The following SLC26A1 variants were observed in gnomAD, a reference collection of about 807,000 sequenced individuals.
SLC26A1 encodes sulfate anion transporter 1.
Under a neutral mutation model 14.5 loss-of-function variants are expected in SLC26A1, and 18 were observed. The observed-to-expected ratio is 1.24, with a 90% CI of 0.86 to 1.84. The LOEUF (loss-of-function observed/expected upper bound fraction) is 1.84. Among genes scored for constraint, SLC26A1 ranks in the 40% most tolerant of loss-of-function variants. The pLI is 0.00. For missense variants in SLC26A1, 1,049 were observed against 1,020.0 expected (o/e 1.03, Z -0.39); for synonymous variants, 505 against 492.0 (o/e 1.03, Z -0.35).
At position 989,776 on chromosome 4, in the gene SLC26A1, G is replaced by A; in HGVS notation, c.1163C>T (p.Ala388Val). ...GCTGGTGGCGAAGCAGTGGAGGAAG[G>A]CGGGTAGCACGTTGCAGCAGCCCAC... ...LAVGCCNVLP[A>V]FLHCFATSAA... Residue 388 changes from alanine (A) to valine (V), a missense_variant, in exon 3 of 3, where the codon GCC becomes GTC. Physicochemically the swap from Ala to Val is moderately conservative, Grantham distance 64. Transcript: ENST00000398516. 1 of 1,565,942 alleles carries A rather than the reference G, an allele frequency of 6.4e-7. No homozygotes were observed. The highest frequency in any genetic ancestry group is 8.6e-7 in the Non-Finnish European group (1 of 1,156,078).
downstream of SLC26A1, chr4:987,181 C>G: frequency 6.8e-7 from 1 of 1,470,738 alleles, no homozygotes. Context: ...GCACCTGGTG[C>G]ATGTGGACGC....
chr4:990,279 G>C lies in SLC26A1; in HGVS notation c.660C>G (p.Ser220=). Residue 220 remains serine (S), a synonymous_variant, in exon 3 of 3, where the codon TCC becomes TCG. Transcript: ENST00000398516. ...TGAGCTGCGAGGTCAGGATGGTCAC[G>C]GAGGCCCCCATGGCAAAGCCATCGA... ...PLLDGFAMGA[S]VTILTSQLKH... The C allele has an allele frequency of 6.2e-7, 1 of 1,600,486 alleles. No individual in the cohort carries two copies. The highest frequency in any genetic ancestry group is 8.5e-7 in the Non-Finnish European group (1 of 1,175,244).
At chr4:990,915 C>T (rs1381389968) in intron 2 of SLC26A1, 3 of 550,500 alleles carry the variant, frequency 5.4e-6, no homozygotes, top group Non-Finnish European at 6.3e-6. Flanking sequence ...ACTGGCTCCC[C>T]GTGCCCCTCC....
chr4:984,235 T>G (rs1713632292), downstream of SLC26A1, among the ~76,000 whole-genome samples: 3 of 152,260 alleles, frequency 2.0e-5, no homozygotes, highest in African/African-American at 7.2e-5. Context: ...AAATTTTTAC[T>G]AAGTTTCATG....
At position 991,320 on chromosome 4, in the gene SLC26A1, C is replaced by T. The variant is rs1449926449; in HGVS notation, c.384G>A (p.Leu128=). The T allele has an allele frequency of 6.2e-7, 1 of 1,612,726 alleles. No homozygotes were observed. Among genetic ancestry groups the T allele is most frequent in the Non-Finnish European group, 8.5e-7 (1 of 1,179,946 alleles). ...CCACCTGCCCCACCATGAGGCAAAG[C>T]AGGCTGAAGATGCCCACGGAGACAT... ...SRHVSVGIFS[L]LCLMVGQVVD... is the part of the protein sequence containing the mutation. Residue 128 remains leucine (L), a synonymous_variant, in exon 2 of 3, where the codon CTG becomes CTA. Transcript: ENST00000398516.
chr4:985,513 C>G (rs1224810382), downstream of SLC26A1, among the ~76,000 whole-genome samples: 1 of 152,202 alleles, frequency 6.6e-6, no homozygotes, highest in African/African-American at 2.4e-5. Context: ...TTTCTCAGTT[C>G]TCTGACGCTT....
chr4:979,196 C>T (rs1713462714), exon 3 of SLC26A1: 2 of 527,922 alleles, frequency 3.8e-6, no homozygotes, highest in East Asian at 6.2e-5. Flanking sequence ...CTGGTTACAT[C>T]ATCCACATGG....
rs1446202225 is a variant in SLC26A1, at chr4:991,354, G to A, written c.350C>T (p.Thr117Ile). Residue 117 changes from threonine (T) to isoleucine (I), a missense_variant, in exon 2 of 3, where the codon ACC becomes ATC. Coordinates refer to ENST00000398516, the MANE Select transcript of SLC26A1 (RefSeq NM_022042.4). ...GATGCCCACGGAGACATGCCGTGAG[G>A]TGCCCATGAGGAAGTAGATGAGGTT... ...FANLIYFLMG[T>I]SRHVSVGIFS... 6.2e-7 allele frequency: 1 copy of A among 1,612,884 alleles called. No individual in the cohort carries two copies. Among genetic ancestry groups the A allele is most frequent in the East Asian group, 2.2e-5 (1 of 44,884 alleles).
At chr4:979,048 A>C (rs1204233203), downstream of SLC26A1, 1 of 171,324 alleles carries the variant, frequency 5.8e-6, no homozygotes, top group African/African-American at 2.4e-5. Context: ...CCTTTCATCC[A>C]CTTTTTTATT....
At position 987,959 on chromosome 4, in the gene SLC26A1, G is replaced by C. The variant is rs775172497; in HGVS notation, c.*874C>G. 4 of 1,563,912 alleles carry C rather than the reference G, an allele frequency of 2.6e-6. No individual in the cohort carries two copies. The South Asian group carries it at 3.5e-5, about 14-fold the overall frequency. ...AGCTTGTCACCACCAGGTGGGCGGC[G>C]GGCAGGGTCTGGGCGTCCCAGAGCC... On this transcript the variant is annotated 3_prime_UTR_variant, in exon 3 of 3. Coordinates refer to ENST00000398516, the MANE Select transcript of SLC26A1 (RefSeq NM_022042.4).
chr4:987,143 CG>C (rs751289519), downstream of SLC26A1: 29 of 1,419,118 alleles, frequency 2.0e-5, no homozygotes, highest in Non-Finnish European at 2.6e-5. Context: ...CTCCTGGCCG[CG>C]CCCCCGGTGG....
chr4:979,072 AT>A lies in SLC26A1; in HGVS notation c.*333del, dbSNP rs575435174. On this transcript the variant is annotated 3_prime_UTR_variant, in exon 3 of 3. Transcript: ENST00000398520. ...CACTTTTTTATTGTCTCTTTTTACAATTTTGCAATATCATCTTCCACAGAGG... is the reference window on the plus strand; with the variant it reads ...CACTTTTTTATTGTCTCTTTTTACAATTTGCAATATCATCTTCCACAGAGG... 276 of 188,222 alleles carry A rather than the reference AT, an allele frequency of 1.5e-3. 1 individual carries two copies. The highest frequency in any genetic ancestry group is 5.7e-3 in the African/African-American group (245 of 42,982). 11.7% of individuals were successfully genotyped at this position (188,222 alleles called of 1,614,324 possible). A position where few individuals can be genotyped will look rare whatever the true frequency, so the allele number is the denominator to read the frequency against.
chr4:991,271 C>CGGCCAGCTGGAGCTCCCG lies in SLC26A1; in HGVS notation c.415_432dup (p.Arg139_Ala144dup). The CGGCCAGCTGGAGCTCCCG allele has an allele frequency of 6.2e-7, 1 of 1,612,660 alleles. No individual in the cohort carries two copies. ...AGGCCGTCCTGGGAGGGGTCAAAGC[C>CGGCCAGCTGGAGCTCCCG]GGCCAGCTGGAGCTCCCGGTCCACC... On this transcript the variant is annotated inframe_insertion, in exon 2 of 3. Coordinates refer to ENST00000398516, the MANE Select transcript of SLC26A1 (RefSeq NM_022042.4).
In SLC26A1 at chr4:981,878, C is replaced by T. The variant is rs184183503; in HGVS notation, c.577-2374G>A. Among the ~76,000 whole-genome samples, 262 of 151,926 alleles carry T rather than the reference C, an allele frequency of 1.7e-3. 2 individuals carry two copies. The highest frequency in any genetic ancestry group is 5.9e-3 in the African/African-American group (245 of 41,454). On this transcript the variant is annotated intron_variant, in intron 2 of 2. Coordinates refer to the SLC26A1 transcript ENST00000398520. ...TTGCCCAGGCTGGAGTGCAGTGGCG[C>T]GATCTCAGCTTGCTGCAAGCTCGGT...
Position 987,680 on chromosome 4 carries a change from A to G in SLC26A1, c.*1153T>C. On this transcript the variant is annotated 3_prime_UTR_variant, in exon 3 of 3. Transcript: ENST00000398516. ...CATTCCTGGCCCTAAGGGTCATTTTATTAGTCACTGAACGCACGGGCAGCG... is the reference window on the plus strand; with the variant it reads ...CATTCCTGGCCCTAAGGGTCATTTTGTTAGTCACTGAACGCACGGGCAGCG... 6.6e-7 allele frequency: 1 copy of G among 1,504,018 alleles called. No individual in the cohort carries two copies. Among genetic ancestry groups the G allele is most frequent in the South Asian group, 1.3e-5 (1 of 78,866 alleles). The allele number at this position is 1,504,018 out of a possible 1,614,324, so 93.2% of individuals were successfully genotyped here. A position where few individuals can be genotyped will look rare whatever the true frequency, so the allele number is the denominator to read the frequency against.
chr4:991,173 G>A lies in SLC26A1; in HGVS notation c.531C>T (p.Ala177=). 6.4e-7 allele frequency: 1 copy of A among 1,570,828 alleles called. No homozygotes were observed. Residue 177 remains alanine, a synonymous_variant, in exon 2 of 3, where the codon GCC becomes GCT. Coordinates refer to ENST00000398516, the MANE Select transcript of SLC26A1 (RefSeq NM_022042.4). The part of the protein sequence containing the change: ...AMLDCGRDCY[A]IRVATALTLM... ...GCGTGAGGGCGGTGGCGACACGGAT[G>A]GCGTAGCAGTCACGCCCGCAGTCCA...
intron 1 of SLC26A1, chr4:991,952 T>TTGGTGTCG: frequency 1.2e-6 from 1 of 819,858 alleles, no homozygotes; most frequent in Non-Finnish European, 2.0e-6. Flanking sequence ...TGAGATGGGA[T>TTGGTGTCG]TACGACACCA....
Position 991,396 on chromosome 4 carries a change from T to C in SLC26A1, c.308A>G (p.Tyr103Cys). 6.2e-7 allele frequency: 1 copy of C among 1,612,724 alleles called. No individual in the cohort carries two copies. The highest frequency in any genetic ancestry group is 1.1e-5 in the South Asian group (1 of 91,080). Residue 103 changes from tyrosine (Y) to cysteine (C), a missense_variant, in exon 2 of 3, where the codon TAT (tyrosine) becomes TGT (cysteine). Transcript: ENST00000398516. ...LAGLQPIYSLYTSFFANLIYF... is the reference protein window; with the variant it reads ...LAGLQPIYSLCTSFFANLIYF... ...GATGAGGTTGGCGAAGAAGGACGTATAGAGGCTGTAGATGGGCTGCAGCCC... is the reference window on the plus strand; with the variant it reads ...GATGAGGTTGGCGAAGAAGGACGTACAGAGGCTGTAGATGGGCTGCAGCCC...
At chr4:984,757 A>G (rs1306010396), downstream of SLC26A1, among the ~76,000 whole-genome samples, 2 of 152,196 alleles carry the variant, frequency 1.3e-5, no homozygotes, top group Non-Finnish European at 2.9e-5. Flanking sequence ...ATGAGCTGAG[A>G]TCGCACCACT....
Sources: gnomAD v4.1 joint callset for allele counts (sites outside exome capture counted in the v4.1 genomes callset) on GRCh38, gnomAD v4.1.1 for gene constraint, MANE v1.5 for transcripts, NCBI Gene and HGNC (gene_info 2026-07-23, HGNC 2026-07-21) for gene names.